DLGAP1: variants seen among roughly 807,000 people sequenced by gnomAD.
The protein encoded by DLGAP1 is DLG associated protein 1, also known as disks large-associated protein 1.
DLGAP1 carries 11 observed loss-of-function variants against 90.8 expected under a neutral mutation model. That is an observed-to-expected ratio of 0.12 (90% CI 0.08 to 0.20). The LOEUF (loss-of-function observed/expected upper bound fraction) is 0.20. Ranked by LOEUF, DLGAP1 falls within the 10% of genes least tolerant of loss-of-function variation. The pLI is 1.00. For synonymous variants in DLGAP1, 558 were observed against 540.7 expected (o/e 1.03, Z -0.44); for missense variants, 1,050 against 1,333.8 (o/e 0.79, Z 3.31).
At chr18:4,201,696 A>G in intron 1 of DLGAP1, among the ~76,000 whole-genome samples, 1 of 152,174 alleles carries the variant, frequency 6.6e-6, no homozygotes, top group East Asian at 1.9e-4. Context: ...AGAAGATTAT[A>G]CAAATGGCCA....
chr18:3,761,094 T>C (rs545075390), intron 5 of DLGAP1, among the ~76,000 whole-genome samples: 1 of 152,332 alleles, frequency 6.6e-6, no homozygotes, highest in African/African-American at 2.4e-5. Context: ...ACACATAATA[T>C]AAAATCCACT....
chr18:3,735,225 G>T (rs1222672653), intron 6 of DLGAP1, among the ~76,000 whole-genome samples: 1 of 151,862 alleles, frequency 6.6e-6, no homozygotes, highest in South Asian at 2.1e-4. Context: ...GTCAAAATGC[G>T]TATTTTTTTT....
rs192534109 is a variant in DLGAP1, at chr18:4,272,015, T to A, written c.-266-120728A>T. Among the ~76,000 whole-genome samples, 50 of 151,720 alleles carry A rather than the reference T, an allele frequency of 3.3e-4. 1 individual carries two copies. In the East Asian group the frequency reaches 7.8e-3, roughly 24 times the overall value. ...ACCAAGTTTCCTCCTTGCAATTCTTTATCCATTTTTTTCTTTCATGACTGT... is the reference window on the plus strand; with the variant it reads ...ACCAAGTTTCCTCCTTGCAATTCTTAATCCATTTTTTTCTTTCATGACTGT... On this transcript the variant is annotated intron_variant, in intron 1 of 12. Transcript: ENST00000315677.
chr18:3,695,871 T>C (rs2061073620), intron 7 of DLGAP1, among the ~76,000 whole-genome samples: 1 of 131,832 alleles, frequency 7.6e-6, no homozygotes, highest in Admixed American at 7.7e-5. Flanking sequence ...TGTCCTCTCT[T>C]ACTTCCTTGA....
intron 4 of DLGAP1, among the ~76,000 whole-genome samples, chr18:3,828,639 CAAAAAAAAAAAA>C (rs71368713): frequency 4.7e-5 from 1 of 21,376 alleles, no homozygotes; most frequent in Non-Finnish European, 8.2e-5. Context: ...GACTCTATCT[CAAAAAAAAAAAA>C]AAAAAAAAAA....
chr18:4,410,807 GA>G (rs2082761216), intron 1 of DLGAP1, among the ~76,000 whole-genome samples: 1 of 152,062 alleles, frequency 6.6e-6, no homozygotes, highest in South Asian at 2.1e-4. Flanking sequence ...CGACAACATC[GA>G]TGGATCTCAC....
chr18:4,027,886 T>G (rs2074730016), intron 2 of DLGAP1, among the ~76,000 whole-genome samples: 1 of 152,212 alleles, frequency 6.6e-6, no homozygotes, highest in African/African-American at 2.4e-5. Flanking sequence ...TTACTCCACT[T>G]AAGCTGCTCC....
At chr18:3,551,313 G>C (rs113923689) in intron 9 of DLGAP1, among the ~76,000 whole-genome samples, 1 of 151,346 alleles carries the variant, frequency 6.6e-6, no homozygotes, top group Admixed American at 6.6e-5. Context: ...ATGTAGTGGT[G>C]GTCTTGCCTC....
chr18:3,794,467 T>C (rs3786439), intron 5 of DLGAP1, among the ~76,000 whole-genome samples: 80,466 of 152,068 alleles, frequency 0.53, 21,494 homozygotes, highest in Admixed American at 0.64. Flanking sequence ...AACTTGACTA[T>C]AGCAATGGGG....
chr18:4,363,082 T>C (rs368394671), intron 1 of DLGAP1, among the ~76,000 whole-genome samples: 1 of 152,110 alleles, frequency 6.6e-6, no homozygotes, highest in Non-Finnish European at 1.5e-5. Flanking sequence ...CTTGGCATAC[T>C]GACCTAAGAT....
intron 7 of DLGAP1, among the ~76,000 whole-genome samples, chr18:3,718,451 G>C (rs559670266): frequency 3.5e-4 from 53 of 152,094 alleles, no homozygotes; most frequent in African/African-American, 1.2e-3. Flanking sequence ...AGGATGCGTG[G>C]AAGAAATATT....
intron 2 of DLGAP1, among the ~76,000 whole-genome samples, chr18:4,024,713 T>C (rs148210934): frequency 6.6e-6 from 1 of 152,278 alleles, no homozygotes; most frequent in East Asian, 1.9e-4. Context: ...TTTCTGACTA[T>C]GATGATAATG....
chr18:4,222,788 A>C (rs1456670901), intron 1 of DLGAP1, among the ~76,000 whole-genome samples: 1 of 151,954 alleles, frequency 6.6e-6, no homozygotes, highest in East Asian at 1.9e-4. Flanking sequence ...AAGAATAATG[A>C]TAGACAAGAA....
At chr18:4,363,556 C>T (rs2081680194) in intron 1 of DLGAP1, among the ~76,000 whole-genome samples, 1 of 151,628 alleles carries the variant, frequency 6.6e-6, no homozygotes, top group African/African-American at 2.4e-5. Context: ...AACAAATTTA[C>T]AAGAAAAAAA....
At position 4,142,465 on chromosome 18, in the gene DLGAP1, T is replaced by C. The variant is rs186783298; in HGVS notation, c.-159+8715A>G. Among the ~76,000 whole-genome samples the C allele has an allele frequency of 1.6e-3, 245 of 152,310 alleles. 2 individuals carry two copies. Among genetic ancestry groups the C allele is most frequent in the African/African-American group, 5.5e-3 (230 of 41,582 alleles). ...TGAGACAGCCTCATCTGTAAGATTC[T>C]CATCTTGATAGTGATAGGTCTCTGA... On this transcript the variant is annotated intron_variant, in intron 2 of 12. Transcript: ENST00000315677.
chr18:3,686,923 A>C (rs1383826057), intron 7 of DLGAP1, among the ~76,000 whole-genome samples: 2 of 152,198 alleles, frequency 1.3e-5, no homozygotes, highest in East Asian at 3.8e-4. Context: ...ATTATCCCGG[A>C]TTATTAGGGT....
At chr18:3,956,489 C>T (rs1166218482) in intron 3 of DLGAP1, among the ~76,000 whole-genome samples, 4 of 152,162 alleles carry the variant, frequency 2.6e-5, no homozygotes, top group African/African-American at 9.6e-5. Flanking sequence ...GCTGGGACTA[C>T]AGTCACCCGC....
At chr18:3,860,100 A>AT (rs2069941955) in intron 4 of DLGAP1, among the ~76,000 whole-genome samples, 2 of 115,062 alleles carry the variant, frequency 1.7e-5, no homozygotes, top group South Asian at 2.6e-4. Flanking sequence ...CTCTGTCTCA[A>AT]AAAATAAATA....
chr18:3,568,048 G>A (rs1051138143), intron 8 of DLGAP1, among the ~76,000 whole-genome samples: 3 of 152,072 alleles, frequency 2.0e-5, no homozygotes, highest in African/African-American at 7.2e-5. Context: ...ACAGGTGTGT[G>A]CCACCATGTC....
Sources: gnomAD v4.1 joint callset for allele counts (sites outside exome capture counted in the v4.1 genomes callset) on GRCh38, gnomAD v4.1.1 for gene constraint, MANE v1.5 for transcripts, NCBI Gene and HGNC (gene_info 2026-07-23, HGNC 2026-07-21) for gene names.